The following BAZ2B variants were observed in gnomAD, a reference collection of about 807,000 sequenced individuals.
BAZ2B encodes bromodomain adjacent to zinc finger domain protein 2B.
Under a neutral mutation model 246.0 loss-of-function variants are expected in BAZ2B, and 91 were observed. The ratio of observed to expected loss-of-function variants is 0.37; its 90% CI spans 0.31 to 0.44. The LOEUF (loss-of-function observed/expected upper bound fraction) is 0.44, where lower values mean the gene tolerates loss of function less well. BAZ2B is among the 20% of genes least tolerant of loss of function. The probability of loss-of-function intolerance (pLI) is 1.00; values close to 1 mark genes in which losing one functional copy is unlikely to be tolerated. For missense variants in BAZ2B, 2,332 were observed against 2,533.7 expected, an observed-to-expected ratio of 0.92 and a Z score of 1.71; for synonymous variants, 855 against 860.0, an observed-to-expected ratio of 0.99 and a Z score of 0.10.
chr2:159,706,264 C>T, the BAZ2B span, among the ~76,000 whole-genome samples: 15 of 151,902 alleles, frequency 9.9e-5, no homozygotes, highest in African/African-American at 3.1e-4. Context: ...AGGCGAAAAA[C>T]GGAAAAGAGA....
chr2:159,508,540 A>T (rs2082575939), intron 2 of BAZ2B, among the ~76,000 whole-genome samples: 1 of 152,104 alleles, frequency 6.6e-6, no homozygotes, highest in Admixed American at 6.6e-5. Flanking sequence ...ACACCCTATA[A>T]TCTCATTCCC....
the BAZ2B span, among the ~76,000 whole-genome samples, chr2:159,642,370 T>G: frequency 2.0e-5 from 3 of 152,048 alleles, no homozygotes; most frequent in East Asian, 5.8e-4. Flanking sequence ...CCCAAGTAGC[T>G]GGGATTATAG....
At chr2:159,546,788 A>G (rs572599628) in intron 2 of BAZ2B, among the ~76,000 whole-genome samples, 38 of 152,178 alleles carry the variant, frequency 2.5e-4, no homozygotes, top group South Asian at 6.2e-4. Context: ...TGTGGAGAAT[A>G]TATTTGCACA....
intron 1 of BAZ2B, among the ~76,000 whole-genome samples, chr2:159,598,370 G>T (rs1445972235): frequency 1.3e-5 from 2 of 152,196 alleles, no homozygotes; most frequent in Non-Finnish European, 2.9e-5. Context: ...CATAAGAATT[G>T]CATGGGAACA....
At chr2:159,457,082 TAA>T (rs2075866996) in intron 3 of BAZ2B, among the ~76,000 whole-genome samples, 1 of 152,198 alleles carries the variant, frequency 6.6e-6, no homozygotes, top group African/African-American at 2.4e-5. Context: ...ACACAGATAG[TAA>T]TTCCATGTAA....
upstream of BAZ2B, among the ~76,000 whole-genome samples, chr2:159,617,887 A>C (rs1696253987): frequency 6.6e-6 from 1 of 152,236 alleles, no homozygotes; most frequent in African/African-American, 2.4e-5. Flanking sequence ...ATGCAGGAGC[A>C]CTGGGGGAAG....
rs1216880571 is a variant in BAZ2B at position 159,429,185 on chromosome 2, C to A, written c.2255+15G>T. ...TATGGGGGAAAAAGAAAAAGGAAAACCTTATTTTGCATACCCATATTCCAA... is the reference window on the plus strand; with the variant it reads ...TATGGGGGAAAAAGAAAAAGGAAAAACTTATTTTGCATACCCATATTCCAA... On this transcript the variant is annotated intron_variant, in intron 11 of 36. Coordinates refer to ENST00000392783, the MANE Select transcript of BAZ2B (RefSeq NM_013450.4). The A allele has an allele frequency of 1.3e-6, 2 of 1,509,026 alleles. No homozygotes were observed. Among genetic ancestry groups the A allele is most frequent in the Non-Finnish European group, 1.8e-6 (2 of 1,121,478 alleles). The allele number at this position is 1,509,026 out of a possible 1,614,324, so 93.5% of individuals were successfully genotyped here.
At chr2:159,637,907 C>T in the BAZ2B span, among the ~76,000 whole-genome samples, 2 of 152,234 alleles carry the variant, frequency 1.3e-5, no homozygotes, top group African/African-American at 4.8e-5. Context: ...TCCCAGACAG[C>T]ATCTCTGGAT....
Position 159,412,570 on chromosome 2 carries a change from T to A in BAZ2B, c.2467-25A>T, listed in dbSNP as rs78316628. The A allele has an allele frequency of 8.4e-4, 1,323 of 1,572,316 alleles. 20 individuals carry two copies. In the East Asian group the frequency reaches 0.027, roughly 32 times the overall value. On this transcript the variant is annotated intron_variant, in intron 13 of 36. Coordinates refer to ENST00000392783, the MANE Select transcript of BAZ2B (RefSeq NM_013450.4). ...CCTTTTAATTAACATTTTATAGAAA[T>A]AATATATTACAAACAAAATAAACAC...
At chr2:159,403,565 T>C (rs1276760844) in intron 16 of BAZ2B, among the ~76,000 whole-genome samples, 1 of 152,192 alleles carries the variant, frequency 6.6e-6, no homozygotes, top group Admixed American at 6.5e-5. Context: ...TATTTTTTCA[T>C]ATATACTCTT....
the BAZ2B span, among the ~76,000 whole-genome samples, chr2:159,679,201 G>T: frequency 3.3e-5 from 5 of 151,232 alleles, no homozygotes; most frequent in African/African-American, 1.2e-4. Flanking sequence ...GAAGCTGGGA[G>T]GCGGAGCTTG....
At chr2:159,377,002 A>G (rs1247497877) in intron 25 of BAZ2B, among the ~76,000 whole-genome samples, 3 of 152,194 alleles carry the variant, frequency 2.0e-5, no homozygotes, top group Non-Finnish European at 4.4e-5. Flanking sequence ...AGAACCTCTC[A>G]CAGGCCAACT....
chr2:159,422,105 A>C (rs2068869093), intron 13 of BAZ2B, among the ~76,000 whole-genome samples: 1 of 152,218 alleles, frequency 6.6e-6, no homozygotes, highest in South Asian at 2.1e-4. Flanking sequence ...GACAAAAAGA[A>C]ATGGAAAAAC....
At chr2:159,478,126 C>T (rs1351606147) in intron 3 of BAZ2B, among the ~76,000 whole-genome samples, 1 of 152,174 alleles carries the variant, frequency 6.6e-6, no homozygotes. Flanking sequence ...GTTTAAGAAA[C>T]TTGTTATGCT....
chr2:159,406,474 T>G (rs901951615), intron 14 of BAZ2B, among the ~76,000 whole-genome samples: 5 of 152,222 alleles, frequency 3.3e-5, no homozygotes, highest in Non-Finnish European at 7.3e-5. Context: ...GCAAAGGGTG[T>G]AACAGACACA....
chr2:159,459,989 G>A (rs2076215525), intron 3 of BAZ2B: 1 of 151,914 alleles, frequency 6.6e-6, no homozygotes, highest in Admixed American at 6.6e-5. Flanking sequence ...TATTATTAAT[G>A]TAAATATTAT....
intron 27 of BAZ2B, among the ~76,000 whole-genome samples, chr2:159,365,659 G>A (rs2060142485): frequency 6.6e-6 from 1 of 152,064 alleles, no homozygotes; most frequent in Admixed American, 6.6e-5. Context: ...TGCTTATTCT[G>A]CAAGTGGGAG....
In BAZ2B at chr2:159,448,347, ATGG is replaced by A; in HGVS notation, c.394_396del (p.Pro132del). Reference sequence around the variant, plus strand: ...GCAAATAGTGGTGGAATTCCCAGTAATGGTGGAAAGAAGGTTGCTCCTGTACGA... The same window carrying A: ...GCAAATAGTGGTGGAATTCCCAGTAATGGAAAGAAGGTTGCTCCTGTACGA... On this transcript the variant is annotated inframe_deletion, in exon 5 of 37. Transcript: ENST00000392783. 1.2e-6 allele frequency: 2 copies of A among 1,613,428 alleles called. No homozygotes were observed. The highest frequency in any genetic ancestry group is 4.5e-5 in the East Asian group (2 of 44,836).
chr2:159,406,429 CT>C (rs1039978398), intron 14 of BAZ2B, among the ~76,000 whole-genome samples: 4 of 152,158 alleles, frequency 2.6e-5, no homozygotes, highest in Non-Finnish European at 5.9e-5. Flanking sequence ...TTGTGTGCTA[CT>C]AAGGTTTGGT....
Sources: allele counts gnomAD v4.1 joint callset (sites outside exome capture counted in the v4.1 genomes callset), GRCh38; gene constraint gnomAD v4.1.1; transcripts MANE v1.5; gene names NCBI Gene and HGNC (gene_info 2026-07-23, HGNC 2026-07-21).